Variants in IGFBP2 observed in about 807,000 individuals in gnomAD.
IGFBP2 encodes the protein insulin-like growth factor-binding protein 2.
In IGFBP2, 12 loss-of-function variants were observed where a neutral mutation model predicts 26.2. That is an observed-to-expected ratio of 0.46 (90% CI 0.29 to 0.74). The LOEUF (loss-of-function observed/expected upper bound fraction) is 0.74. IGFBP2 is among the 30% of genes least tolerant of loss of function. The probability of loss-of-function intolerance (pLI) is 0.09; values close to 1 mark genes in which losing one functional copy is unlikely to be tolerated. For missense variants in IGFBP2, 328 were observed against 441.2 expected (o/e 0.74, Z 2.30); for synonymous variants, 189 against 200.6 (o/e 0.94, Z 0.49).
chr2:216,662,211 A>T (rs1688671284), intron 3 of IGFBP2: 4 of 591,980 alleles, frequency 6.8e-6, no homozygotes, highest in Non-Finnish European at 1.2e-5. Flanking sequence ...TGCTGGCTCC[A>T]CTTGCCCAGC....
At chr2:216,640,830 T>G (rs568440059) in intron 1 of IGFBP2, among the ~76,000 whole-genome samples, 143 of 152,342 alleles carry the variant, frequency 9.4e-4, no homozygotes, top group African/African-American at 3.2e-3. Context: ...AGATTTCAAT[T>G]ATGTAGATTC....
intron 1 of IGFBP2, among the ~76,000 whole-genome samples, chr2:216,648,754 A>G (rs1697762882): frequency 6.6e-6 from 1 of 152,032 alleles, no homozygotes; most frequent in Admixed American, 6.6e-5. Flanking sequence ...GATTACAGGC[A>G]TGCACCACCA....
At chr2:216,659,089 A>G (rs1697978712) in intron 1 of IGFBP2, among the ~76,000 whole-genome samples, 1 of 152,156 alleles carries the variant, frequency 6.6e-6, no homozygotes, top group Admixed American at 6.5e-5. Context: ...AAGCTGCTGC[A>G]TGGCAAGTGA....
chr2:216,638,185 C>T (rs1030942076), intron 1 of IGFBP2, among the ~76,000 whole-genome samples: 11 of 150,340 alleles, frequency 7.3e-5, no homozygotes, highest in African/African-American at 2.5e-4. Flanking sequence ...AAAAAAACTC[C>T]GTCTCAAAAA....
rs1697422076 is a variant in IGFBP2, at chr2:216,633,453, G to T, written c.-71G>T. On this transcript the variant is annotated 5_prime_UTR_variant, in exon 1 of 4. Transcript: ENST00000233809. ...AGCGGAGGAGGCGGCTCCCGCGCTC[G>T]CAGGGCCGTGCCACCTGCCCGCCCG... 3.5e-6 allele frequency: 1 copy of T among 286,918 alleles called. No homozygotes were observed. Among genetic ancestry groups the T allele is most frequent in the Non-Finnish European group, 5.3e-6 (1 of 189,366 alleles). The allele number at this position is 286,918 out of a possible 1,614,324, so 17.8% of individuals were successfully genotyped here.
Position 216,660,569 on chromosome 2 carries a change from A to G in IGFBP2, c.455A>G (p.Asp152Gly). 6.2e-7 allele frequency: 1 copy of G among 1,605,008 alleles called. No individual in the cohort carries two copies. The change falls in exon 2 of 4, where the codon GAC becomes GGC. Residue 152 changes from aspartate (D) to glycine (G), a missense_variant. Asp to Gly is a moderately conservative substitution (Grantham distance 94). Coordinates refer to ENST00000233809, the MANE Select transcript of IGFBP2 (RefSeq NM_000597.3). ...CCTCTCTTGGCAGACAATGGCGATG[A>G]CCACTCAGAAGGAGGCCTGGTGGAG... ...SPEQVADNGD[D>G]HSEGGLVENH... is the part of the protein sequence containing the mutation.
At chr2:216,633,304 T>G (rs1697416749), upstream of IGFBP2, 1 of 151,686 alleles carries the variant, frequency 6.6e-6, no homozygotes, top group South Asian at 2.1e-4. Flanking sequence ...GCGCACTCAC[T>G]TGCCGGCGCG....
In IGFBP2 at chr2:216,633,449, G is replaced by C. The variant is rs925878185; in HGVS notation, c.-75G>C. 2.6e-5 allele frequency: 7 copies of C among 266,912 alleles called. No homozygotes were observed. Among genetic ancestry groups the C allele is most frequent in the African/African-American group, 9.2e-5 (4 of 43,436 alleles). The allele number at this position is 266,912 out of a possible 1,614,324, so 16.5% of individuals were successfully genotyped here. On this transcript the variant is annotated 5_prime_UTR_variant, in exon 1 of 4. Coordinates refer to ENST00000233809, the MANE Select transcript of IGFBP2 (RefSeq NM_000597.3). ...AAGAAGCGGAGGAGGCGGCTCCCGC[G>C]CTCGCAGGGCCGTGCCACCTGCCCG...
chr2:216,663,682 C>G, intron 3 of IGFBP2: 1 of 395,464 alleles, frequency 2.5e-6, no homozygotes, highest in Admixed American at 4.0e-5. Context: ...CCTTGCTAAT[C>G]AGAGGGGTCC....
chr2:216,638,534 A>AAAAATC (rs1697547393), intron 1 of IGFBP2, among the ~76,000 whole-genome samples: 1 of 152,026 alleles, frequency 6.6e-6, no homozygotes, highest in Non-Finnish European at 1.5e-5. Flanking sequence ...AAATAAAAAT[A>AAAAATC]AAAAGCCATG....
intron 1 of IGFBP2, among the ~76,000 whole-genome samples, chr2:216,649,872 A>G (rs1342638976): frequency 6.6e-6 from 1 of 152,182 alleles, no homozygotes; most frequent in Non-Finnish European, 1.5e-5. Flanking sequence ...AGATGGCAGC[A>G]TGAGGGCATA....
chr2:216,651,429 A>G (rs1371452961), intron 1 of IGFBP2, among the ~76,000 whole-genome samples: 1 of 152,238 alleles, frequency 6.6e-6, no homozygotes, highest in Non-Finnish European at 1.5e-5. Context: ...TCAACTGAGC[A>G]TGCGTGGTGA....
intron 1 of IGFBP2, among the ~76,000 whole-genome samples, chr2:216,643,543 C>A (rs1697654568): frequency 6.6e-6 from 1 of 152,082 alleles, no homozygotes; most frequent in Admixed American, 6.6e-5. Flanking sequence ...CATTGGGAAT[C>A]CGGGGTGGAT....
chr2:216,644,627 A>G (rs1697676439), intron 1 of IGFBP2, among the ~76,000 whole-genome samples: 1 of 152,182 alleles, frequency 6.6e-6, no homozygotes. Flanking sequence ...GCACTAAGCA[A>G]AGGGAGCCAC....
intron 2 of IGFBP2, 132 bp from the exon 3 acceptor site, chr2:216,661,726 C>A: frequency 9.6e-7 from 1 of 1,040,430 alleles, no homozygotes; most frequent in Non-Finnish European, 1.4e-6. Context: ...AGTCCCTGTG[C>A]CCCCTGCTGG....
intron 1 of IGFBP2, chr2:216,659,596 G>T: frequency 1.3e-6 from 1 of 756,292 alleles, no homozygotes; most frequent in Non-Finnish European, 2.3e-6. Flanking sequence ...TCCTTTGGCT[G>T]GACGTGCCTC....
intron 1 of IGFBP2, among the ~76,000 whole-genome samples, chr2:216,659,307 G>A (rs1697984439): frequency 6.6e-6 from 1 of 152,222 alleles, no homozygotes; most frequent in Admixed American, 6.5e-5. Context: ...GTTACTCTAA[G>A]AATTATTCAT....
In IGFBP2 at chr2:216,639,071, C is replaced by T. The variant is rs9341122; in HGVS notation, c.442+5106C>T. Among the ~76,000 whole-genome samples the T allele has an allele frequency of 0.019, 2,347 of 120,886 alleles. 152 individuals carry two copies. In the East Asian group the frequency reaches 0.22, roughly 11 times the overall value. 79.3% of individuals were successfully genotyped at this position (120,886 alleles called of 152,430 possible). ...TCCGTCGCCCAGGCTGGAGTGCAGTCGCCCAGCCTGGAGTGCAGTGGCGTG... is the reference window on the plus strand; with the variant it reads ...TCCGTCGCCCAGGCTGGAGTGCAGTTGCCCAGCCTGGAGTGCAGTGGCGTG... On this transcript the variant is annotated intron_variant, in intron 1 of 3. Coordinates refer to ENST00000233809, the MANE Select transcript of IGFBP2 (RefSeq NM_000597.3).
Position 216,660,461 on chromosome 2 carries a change from C to T in IGFBP2, c.443-96C>T. 4.6e-6 allele frequency: 4 copies of T among 866,734 alleles called. No homozygotes were observed. In the South Asian group the frequency reaches 7.0e-5, roughly 15 times the overall value. The allele number at this position is 866,734 out of a possible 1,614,324, so 53.7% of individuals were successfully genotyped here. On this transcript the variant is annotated intron_variant, in intron 1 of 3. Coordinates refer to ENST00000233809, the MANE Select transcript of IGFBP2 (RefSeq NM_000597.3). ...AGCACTCATTAGCCGCGCGTCATCT[C>T]CACCCTCATCATCATTACGGTCCAG...
Sources: allele counts gnomAD v4.1 joint callset (sites outside exome capture counted in the v4.1 genomes callset), GRCh38; gene constraint gnomAD v4.1.1; transcripts MANE v1.5; gene names NCBI Gene and HGNC (gene_info 2026-07-23, HGNC 2026-07-21).